KCNU1: variants seen among roughly 807,000 people sequenced by gnomAD.
The protein encoded by KCNU1 is potassium channel subfamily U member 1.
In KCNU1, 93 loss-of-function variants were observed where a neutral mutation model predicts 126.8. The observed-to-expected ratio is 0.73, with a 90% CI of 0.62 to 0.87. The LOEUF is 0.87. Ranked by LOEUF, KCNU1 falls within the 40% of genes least tolerant of loss-of-function variation. The pLI, the probability that KCNU1 is intolerant of heterozygous loss-of-function variation, is 0.00. For missense variants in KCNU1, 1,330 were observed against 1,367.1 expected (o/e 0.97, Z 0.43); for synonymous variants, 523 against 494.2 (o/e 1.06, Z -0.77).
intron 18 of KCNU1, among the ~76,000 whole-genome samples, chr8:36,849,396 C>T (rs1252240442): frequency 6.6e-6 from 1 of 152,060 alleles, no homozygotes; most frequent in Non-Finnish European, 1.5e-5. Flanking sequence ...TGAGACCAGC[C>T]TGGCCAACAT....
intron 23 of KCNU1, 63 bp downstream of exon 23, chr8:36,918,960 C>A: frequency 9.4e-7 from 1 of 1,064,822 alleles, no homozygotes; most frequent in Non-Finnish European, 1.5e-6. Context: ...ATTTATGTTC[C>A]AAGGATCTTT....
At chr8:36,930,110 A>G (rs1406670864) in intron 24 of KCNU1, among the ~76,000 whole-genome samples, 1 of 152,230 alleles carries the variant, frequency 6.6e-6, no homozygotes, top group African/African-American at 2.4e-5. Flanking sequence ...TAATAAAGCA[A>G]AAGTCTAATT....
At chr8:36,807,337 C>T in intron 5 of KCNU1, 38 bp from the exon 6 acceptor site, 2 of 1,485,272 alleles carry the variant, frequency 1.3e-6, no homozygotes, top group Non-Finnish European at 1.9e-6. Flanking sequence ...GAGTGACCCT[C>T]TGATTTTGGC....
rs772829637 is a variant in KCNU1, at chr8:36,814,360, T to G, written c.886T>G (p.Phe296Val). Residue 296 changes from phenylalanine to valine, a missense_variant, in exon 8 of 27, where the codon TTC (phenylalanine) becomes GTC (valine). Phe to Val is a conservative substitution (Grantham distance 50). Transcript: ENST00000399881. The part of the protein sequence containing the change: ...TSLGRTFIMF[F>V]TLGSLILFAN... Reference sequence around the variant, plus strand: ...CTTAGGACGGACCTTCATCATGTTCTTCACACTGGGGAGTTTGGTGAAGAA... The same window carrying G: ...CTTAGGACGGACCTTCATCATGTTCGTCACACTGGGGAGTTTGGTGAAGAA... The G allele has an allele frequency of 6.8e-6, 11 of 1,611,024 alleles. No homozygotes were observed. The highest frequency in any genetic ancestry group is 9.3e-6 in the Non-Finnish European group (11 of 1,178,082).
At chr8:36,848,503 A>G (rs931251925) in intron 18 of KCNU1, among the ~76,000 whole-genome samples, 1 of 152,106 alleles carries the variant, frequency 6.6e-6, no homozygotes, top group African/African-American at 2.4e-5. Flanking sequence ...CTGCATATGG[A>G]TATCCAGTTT....
At chr8:36,785,897 C>T (rs1802695614) in intron 1 of KCNU1, among the ~76,000 whole-genome samples, 1 of 152,150 alleles carries the variant, frequency 6.6e-6, no homozygotes, top group African/African-American at 2.4e-5. Context: ...TATGTCTACA[C>T]TTCGATCCAG....
intron 20 of KCNU1, among the ~76,000 whole-genome samples, chr8:36,908,839 A>G (rs1426355046): frequency 2.0e-5 from 3 of 151,960 alleles, no homozygotes; most frequent in African/African-American, 7.2e-5. Context: ...ATGAATGAAA[A>G]CCCACTTAAT....
At chr8:36,840,781 T>C (rs1804920808) in intron 15 of KCNU1, 151 bp from the exon 16 acceptor site, 1 of 691,006 alleles carries the variant, frequency 1.4e-6, no homozygotes, top group African/African-American at 1.8e-5. Flanking sequence ...TTGGTTACTT[T>C]AGGTGGATTC....
Position 36,881,153 on chromosome 8 carries a change from G to A in KCNU1, c.2009+16632G>A, listed in dbSNP as rs572961977. ...AGACCGGGCAGCCACTAAACCTTTC[G>A]GGAGCCCTTCTACAAAGCTCTGAGG... is the stretch of plus-strand genomic sequence containing the variant. On this transcript the variant is annotated intron_variant, in intron 19 of 26. Coordinates refer to ENST00000399881, the MANE Select transcript of KCNU1 (RefSeq NM_001031836.3). 1.1e-3 allele frequency among the ~76,000 whole-genome samples: 161 copies of A among 152,272 alleles called. 2 individuals are homozygous for A. Among genetic ancestry groups the A allele is most frequent in the African/African-American group, 3.7e-3 (152 of 41,552 alleles).
At position 36,879,138 on chromosome 8, in the gene KCNU1, C is replaced by T. The variant is rs563539377; in HGVS notation, c.2009+14617C>T. Among the ~76,000 whole-genome samples, 178 of 143,512 alleles carry T rather than the reference C, an allele frequency of 1.2e-3. 1 individual carries two copies. Among genetic ancestry groups the T allele is most frequent in the African/African-American group, 4.3e-3 (170 of 39,348 alleles). 94.1% of individuals were successfully genotyped at this position (143,512 alleles called of 152,430 possible). A position where few individuals can be genotyped will look rare whatever the true frequency, so the allele number is the denominator to read the frequency against. Reference sequence around the variant, plus strand: ...TTTTAATAAGGCTTGGAAACTTAGACGTTATTCACTGCAGCTGCCAATCAA... The same window carrying T: ...TTTTAATAAGGCTTGGAAACTTAGATGTTATTCACTGCAGCTGCCAATCAA... On this transcript the variant is annotated intron_variant, in intron 19 of 26. Transcript: ENST00000399881.
intron 19 of KCNU1, chr8:36,889,337 T>C: frequency 2.1e-6 from 1 of 473,570 alleles, no homozygotes; most frequent in South Asian, 1.6e-5. Context: ...TTTGGATCTA[T>C]CACCTGTCAT....
chr8:36,864,855 T>C (rs1805850905), intron 19 of KCNU1, among the ~76,000 whole-genome samples: 1 of 152,158 alleles, frequency 6.6e-6, no homozygotes, highest in South Asian at 2.1e-4. Context: ...ATCAATCCCC[T>C]ATTTCCAATA....
In KCNU1 at chr8:36,825,459, C is replaced by T. The variant is rs918426593; in HGVS notation, c.1106+7699C>T. 5.9e-5 allele frequency among the ~76,000 whole-genome samples: 9 copies of T among 152,160 alleles called. 1 individual carries two copies. The highest frequency in any genetic ancestry group is 1.0e-4 in the Non-Finnish European group (7 of 68,026). On this transcript the variant is annotated intron_variant, in intron 10 of 26. Transcript: ENST00000399881. ...TATGACAAATTTCATTAAATTTACCCTAACATTTAACCTTTTGTTCTATTT... is the reference window on the plus strand; with the variant it reads ...TATGACAAATTTCATTAAATTTACCTTAACATTTAACCTTTTGTTCTATTT...
chr8:36,917,366 T>C (rs1808155929), intron 22 of KCNU1, among the ~76,000 whole-genome samples: 1 of 151,868 alleles, frequency 6.6e-6, no homozygotes, highest in South Asian at 2.1e-4. Context: ...TTTTTTTTTT[T>C]TAAGCTAGGA....
intron 2 of KCNU1, among the ~76,000 whole-genome samples, chr8:36,791,202 T>C: frequency 6.6e-6 from 1 of 152,168 alleles, no homozygotes; most frequent in Non-Finnish European, 1.5e-5. Context: ...CATCTATGGG[T>C]TAGGTGTGTT....
At chr8:36,910,225 G>A (rs1247727200) in intron 21 of KCNU1, among the ~76,000 whole-genome samples, 1 of 152,110 alleles carries the variant, frequency 6.6e-6, no homozygotes, top group South Asian at 2.1e-4. Flanking sequence ...GGCAAAAACC[G>A]TGGTTACTTT....
intron 26 of KCNU1, 107 bp from the exon 27 acceptor site, chr8:36,935,408 C>T (rs576435066): frequency 8.5e-6 from 7 of 822,146 alleles, no homozygotes; most frequent in African/African-American, 5.1e-5. Context: ...AAAACAAAAA[C>T]GTTTCCTCTT....
At chr8:36,883,240 T>C (rs1468733915) in intron 19 of KCNU1, among the ~76,000 whole-genome samples, 4 of 152,198 alleles carry the variant, frequency 2.6e-5, no homozygotes, top group Non-Finnish European at 5.9e-5. Context: ...CAATTTCCTC[T>C]TCAGTTGGTG....
intron 19 of KCNU1, among the ~76,000 whole-genome samples, chr8:36,903,775 G>A (rs1168609450): frequency 5.9e-5 from 9 of 152,112 alleles, no homozygotes; most frequent in African/African-American, 2.2e-4. Flanking sequence ...CATGGCTGGG[G>A]AGGCCTCAAG....
Sources: allele counts gnomAD v4.1 joint callset (sites outside exome capture counted in the v4.1 genomes callset), GRCh38; gene constraint gnomAD v4.1.1; transcripts MANE v1.5; gene names NCBI Gene and HGNC (gene_info 2026-07-23, HGNC 2026-07-21).